OR6C75: variants seen among roughly 807,000 people sequenced by gnomAD.
OR6C75 encodes the protein olfactory receptor 6C75.
For synonymous variants in OR6C75, 149 were observed against 130.6 expected, an observed-to-expected ratio of 1.14 and a Z score of -0.96; for missense variants, 380 against 368.0, an observed-to-expected ratio of 1.03 and a Z score of -0.27.
chr12:55,366,249 T>C lies in OR6C75; in HGVS notation c.*200T>C, dbSNP rs1869802860. The C allele has an allele frequency of 6.7e-6, 3 of 444,702 alleles. No homozygotes were observed. Among genetic ancestry groups the C allele is most frequent in the Non-Finnish European group, 1.2e-5 (3 of 252,212 alleles). The allele number at this position is 444,702 out of a possible 1,614,324, so 27.5% of individuals were successfully genotyped here. ...AACTATATAGAAAGTGTTCGCTCTC[T>C]CACCTATGTAACTAAATTTTAGGTA... On this transcript the variant is annotated 3_prime_UTR_variant, in exon 3 of 3. Transcript: ENST00000641576.
chr12:55,365,434 A>G lies in OR6C75; in HGVS notation c.324A>G (p.Thr108=). The G allele has an allele frequency of 6.2e-7, 1 of 1,614,094 alleles. No homozygotes were observed. Among genetic ancestry groups the G allele is most frequent in the Non-Finnish European group, 8.5e-7 (1 of 1,179,986 alleles). The change falls in exon 3 of 3, where the codon ACA becomes ACG. Residue 108 remains threonine (T), a synonymous_variant. Transcript: ENST00000641576. The part of the protein sequence containing the change: ...QLFFFIFLGV[T]EFYLLAAMSY... ...TTTTTTTCATCTTCTTGGGGGTGAC[A>G]GAATTTTACCTTCTGGCTGCCATGT... is the stretch of plus-strand genomic sequence containing the variant.
At chr12:55,363,680 A>C (rs1869720950) in intron 1 of OR6C75, 113 bp from the exon 2 acceptor site, 1 of 152,104 alleles carries the variant, frequency 6.6e-6, no homozygotes, top group Non-Finnish European at 1.5e-5. Flanking sequence ...TGAAGAGAAA[A>C]ATAACAAAAA....
chr12:55,366,474 A>G lies in OR6C75; in HGVS notation c.*425A>G, dbSNP rs1394771323. On this transcript the variant is annotated 3_prime_UTR_variant, in exon 3 of 3. Coordinates refer to ENST00000641576, the MANE Select transcript of OR6C75 (RefSeq NM_001005497.2). Reference sequence around the variant, plus strand: ...TAAAGGCAAAATAGATTCTTCATTCATAAAATAGAGGTAGCTATAAATTAA... The same window carrying G: ...TAAAGGCAAAATAGATTCTTCATTCGTAAAATAGAGGTAGCTATAAATTAA... 1 of 152,276 alleles carries G rather than the reference A, an allele frequency of 6.6e-6. No individual in the cohort carries two copies. The highest frequency in any genetic ancestry group is 1.5e-5 in the Non-Finnish European group (1 of 68,092). The allele number at this position is 152,276 out of a possible 1,614,324, so 9.4% of individuals were successfully genotyped here.
At position 55,366,314 on chromosome 12, in the gene OR6C75, G is replaced by A. The variant is rs1337330447; in HGVS notation, c.*265G>A. 3.6e-6 allele frequency: 1 copy of A among 274,856 alleles called. No homozygotes were observed. The highest frequency in any genetic ancestry group is 2.3e-5 in the African/African-American group (1 of 44,416). The allele number at this position is 274,856 out of a possible 1,614,324, so 17.0% of individuals were successfully genotyped here. On this transcript the variant is annotated 3_prime_UTR_variant, in exon 3 of 3. Coordinates refer to ENST00000641576, the MANE Select transcript of OR6C75 (RefSeq NM_001005497.2). Reference sequence around the variant, plus strand: ...ATGGTTTATTGAGGGATAGCATTGGGAGATATACCTAAGGCTAGATGACGA... The same window carrying A: ...ATGGTTTATTGAGGGATAGCATTGGAAGATATACCTAAGGCTAGATGACGA...
At chr12:55,364,697 G>C (rs1869750557) in intron 2 of OR6C75, among the ~76,000 whole-genome samples, 179 bp from the exon 3 acceptor site, 1 of 151,996 alleles carries the variant, frequency 6.6e-6, no homozygotes, top group South Asian at 2.1e-4. Flanking sequence ...TATAGAGAAA[G>C]GATTACTACC....
In OR6C75 at chr12:55,369,119, T is replaced by TAGAG. The variant is rs1379842681; in HGVS notation, c.*3073_*3074insGAGA. On this transcript the variant is annotated 3_prime_UTR_variant, in exon 3 of 3. Transcript: ENST00000641576. ...TATATATACATATACAACTACATGA[T>TAGAG]AGATAGATAGATAAAGAGAGATAGA... 4 of 150,598 alleles carry TAGAG rather than the reference T, an allele frequency of 2.7e-5. No homozygotes were observed. The highest frequency in any genetic ancestry group is 5.9e-5 in the Non-Finnish European group (4 of 67,570). 9.3% of individuals were successfully genotyped at this position (150,598 alleles called of 1,614,324 possible). A position where few individuals can be genotyped will look rare whatever the true frequency, so the allele number is the denominator to read the frequency against.
At position 55,363,776 on chromosome 12, in the gene OR6C75, T is replaced by A. The variant is rs1195791315; in HGVS notation, c.-325-17T>A. On this transcript the variant is annotated splice_polypyrimidine_tract_variant and intron_variant, in intron 1 of 2. Transcript: ENST00000641576. Reference sequence around the variant, plus strand: ...CCTTAATCTCAGAAGTTTTAATTTCTTTTTTCTTGTTTTCAGGGAATATAC... The same window carrying A: ...CCTTAATCTCAGAAGTTTTAATTTCATTTTTCTTGTTTTCAGGGAATATAC... 6.6e-6 allele frequency: 1 copy of A among 152,110 alleles called. No homozygotes were observed. The highest frequency in any genetic ancestry group is 1.5e-5 in the Non-Finnish European group (1 of 68,010). The allele number at this position is 152,110 out of a possible 1,614,324, so 9.4% of individuals were successfully genotyped here. A position where few individuals can be genotyped will look rare whatever the true frequency, so the allele number is the denominator to read the frequency against.
Position 55,366,293 on chromosome 12 carries a change from T to G in OR6C75, c.*244T>G, listed in dbSNP as rs1421253211. On this transcript the variant is annotated 3_prime_UTR_variant, in exon 3 of 3. Transcript: ENST00000641576. ...TTAGGTAAATTAATAATTACTATGG[T>G]TTATTGAGGGATAGCATTGGGAGAT... The G allele has an allele frequency of 9.0e-6, 3 of 333,544 alleles. No homozygotes were observed. The highest frequency in any genetic ancestry group is 1.6e-5 in the Non-Finnish European group (3 of 182,982). 20.7% of individuals were successfully genotyped at this position (333,544 alleles called of 1,614,324 possible).
Position 55,366,783 on chromosome 12 carries a change from G to C in OR6C75, c.*734G>C, listed in dbSNP as rs1260679360. The C allele has an allele frequency of 6.6e-6, 1 of 152,026 alleles. No homozygotes were observed. The highest frequency in any genetic ancestry group is 1.5e-5 in the Non-Finnish European group (1 of 67,996). The allele number at this position is 152,026 out of a possible 1,614,324, so 9.4% of individuals were successfully genotyped here. A position where few individuals can be genotyped will look rare whatever the true frequency, so the allele number is the denominator to read the frequency against. ...TTGTCTTAGCTTTCCTAGAAAAAAA[G>C]AGCAAAGCGTAATCAAAGAGTTGAT... On this transcript the variant is annotated 3_prime_UTR_variant, in exon 3 of 3. Transcript: ENST00000641576.
chr12:55,365,826 G>C lies in OR6C75; in HGVS notation c.716G>C (p.Cys239Ser), dbSNP rs1251900183. ...CAAAGGAAAAAAGCCTTTTCCACTT[G>C]CTCCTCCCATATGATAGTTGTCTCC... is the stretch of plus-strand genomic sequence containing the variant. ...MSQRKKAFST[C>S]SSHMIVVSIS... Residue 239 changes from cysteine to serine, a missense_variant, in exon 3 of 3, where the codon TGC becomes TCC. Physicochemically the swap from Cys to Ser is moderately radical, Grantham distance 112. Transcript: ENST00000641576. The C allele has an allele frequency of 1.2e-6, 2 of 1,613,418 alleles. No individual in the cohort carries two copies. The highest frequency in any genetic ancestry group is 1.3e-5 in the African/African-American group (1 of 74,854).
chr12:55,363,513 C>A (rs911698164), intron 1 of OR6C75, among the ~76,000 whole-genome samples: 1 of 151,950 alleles, frequency 6.6e-6, no homozygotes, highest in African/African-American at 2.4e-5. Context: ...GGACATGTCT[C>A]TGGATGACTG....
chr12:55,365,731 C>A lies in OR6C75; in HGVS notation c.621C>A (p.Val207=). ...TTTTAGCTGTGGTAACACTGATGGT[C>A]ACCTTGACATTAGTTATTCTCTCCT... ...AFFLAVVTLM[V]TLTLVILSYT... is the part of the protein sequence containing the mutation. The change falls in exon 3 of 3, where the codon GTC becomes GTA. Residue 207 remains valine, a synonymous_variant. Transcript: ENST00000641576. 1.2e-6 allele frequency: 2 copies of A among 1,613,928 alleles called. No homozygotes were observed. Among genetic ancestry groups the A allele is most frequent in the South Asian group, 2.2e-5 (2 of 91,022 alleles).
rs542605572 is a variant in OR6C75 at position 55,367,305 on chromosome 12, C to T, written c.*1256C>T. 4.6e-5 allele frequency: 7 copies of T among 152,030 alleles called. No individual in the cohort carries two copies. The highest frequency in any genetic ancestry group is 1.7e-4 in the African/African-American group (7 of 41,392). The allele number at this position is 152,030 out of a possible 1,614,324, so 9.4% of individuals were successfully genotyped here. ...AGCACATCAAAAAGATAATTCACCA[C>T]GATCAAGTGGGCTTTAAACCTGGAT... On this transcript the variant is annotated 3_prime_UTR_variant, in exon 3 of 3. Coordinates refer to ENST00000641576, the MANE Select transcript of OR6C75 (RefSeq NM_001005497.2).
rs1869799726 is a variant in OR6C75 at position 55,366,120 on chromosome 12, A to C, written c.*71A>C. ...AAAACTCTCTACCCTTCTCTACATG[A>C]ACTCTTTCTAAACACCTTATTTCAC... On this transcript the variant is annotated 3_prime_UTR_variant, in exon 3 of 3. Coordinates refer to ENST00000641576, the MANE Select transcript of OR6C75 (RefSeq NM_001005497.2). The C allele has an allele frequency of 1.2e-6, 1 of 853,330 alleles. No individual in the cohort carries two copies. Among genetic ancestry groups the C allele is most frequent in the African/African-American group, 1.7e-5 (1 of 58,416 alleles). 52.9% of individuals were successfully genotyped at this position (853,330 alleles called of 1,614,324 possible).
rs1771766449 is a variant in OR6C75 at position 55,366,245 on chromosome 12, T to C, written c.*196T>C. On this transcript the variant is annotated 3_prime_UTR_variant, in exon 3 of 3. Coordinates refer to ENST00000641576, the MANE Select transcript of OR6C75 (RefSeq NM_001005497.2). ...TCTAAACTATATAGAAAGTGTTCGC[T>C]CTCTCACCTATGTAACTAAATTTTA... 2.2e-6 allele frequency: 1 copy of C among 458,042 alleles called. No homozygotes were observed. The highest frequency in any genetic ancestry group is 2.0e-5 in the African/African-American group (1 of 49,736). 28.4% of individuals were successfully genotyped at this position (458,042 alleles called of 1,614,324 possible).
chr12:55,364,903 C>A lies in OR6C75; in HGVS notation c.-208C>A. On this transcript the variant is annotated 5_prime_UTR_variant, in exon 3 of 3. Transcript: ENST00000641576. ...AGATGCATCAGCGGATAGCTAGACACAATGGAATGTTATCCAGCCTCATAA... is the reference window on the plus strand; with the variant it reads ...AGATGCATCAGCGGATAGCTAGACAAAATGGAATGTTATCCAGCCTCATAA... 1 of 553,178 alleles carries A rather than the reference C, an allele frequency of 1.8e-6. No homozygotes were observed. The highest frequency in any genetic ancestry group is 3.1e-6 in the Non-Finnish European group (1 of 317,620). 34.3% of individuals were successfully genotyped at this position (553,178 alleles called of 1,614,324 possible).
rs774794952 is a variant in OR6C75 at position 55,364,877 on chromosome 12, T to C, written c.-234T>C. ...AATATATATATATGTATTAAATAGA[T>C]AGATGCATCAGCGGATAGCTAGACA... On this transcript the variant is annotated splice_region_variant and 5_prime_UTR_variant, in exon 3 of 3. Coordinates refer to ENST00000641576, the MANE Select transcript of OR6C75 (RefSeq NM_001005497.2). 2.2e-5 allele frequency: 11 copies of C among 500,180 alleles called. No individual in the cohort carries two copies. Among genetic ancestry groups the C allele is most frequent in the Non-Finnish European group, 3.8e-5 (11 of 286,984 alleles). 31.0% of individuals were successfully genotyped at this position (500,180 alleles called of 1,614,324 possible).
intron 2 of OR6C75, among the ~76,000 whole-genome samples, 165 bp downstream of exon 2, chr12:55,364,047 C>T (rs964814129): frequency 2.4e-4 from 35 of 148,736 alleles, no homozygotes; most frequent in African/African-American, 7.9e-4. Context: ...GGCACAATCT[C>T]AGCTCACTGC....
At position 55,369,137 on chromosome 12, in the gene OR6C75, GAGAT is replaced by G. The variant is rs963214428; in HGVS notation, c.*3092_*3095del. On this transcript the variant is annotated 3_prime_UTR_variant, in exon 3 of 3. Coordinates refer to ENST00000641576, the MANE Select transcript of OR6C75 (RefSeq NM_001005497.2). ...TACATGATAGATAGATAGATAAAGAGAGATAGAGGGAAAGAGAGGGAAAGAAGAG... is the reference window on the plus strand; with the variant it reads ...TACATGATAGATAGATAGATAAAGAGAGAGGGAAAGAGAGGGAAAGAAGAG... 1.2e-4 allele frequency: 16 copies of G among 135,892 alleles called. No individual in the cohort carries two copies. The highest frequency in any genetic ancestry group is 4.2e-4 in the African/African-American group (16 of 37,738). 8.4% of individuals were successfully genotyped at this position (135,892 alleles called of 1,614,324 possible). A position where few individuals can be genotyped will look rare whatever the true frequency, so the allele number is the denominator to read the frequency against.
Sources: gnomAD v4.1 joint callset for allele counts (sites outside exome capture counted in the v4.1 genomes callset) on GRCh38, gnomAD v4.1.1 for gene constraint, MANE v1.5 for transcripts, NCBI Gene and HGNC (gene_info 2026-07-23, HGNC 2026-07-21) for gene names.